Variants in LOXL3 observed in about 807,000 individuals in gnomAD.
LOXL3 encodes the protein lysyl oxidase homolog 3.
A neutral mutation model predicts 91.8 loss-of-function variants in LOXL3; 60 were observed. The observed-to-expected ratio is 0.65, with a 90% CI of 0.53 to 0.81. The LOEUF (loss-of-function observed/expected upper bound fraction) is 0.81, where lower values mean the gene tolerates loss of function less well. Among genes scored for constraint, LOXL3 ranks in the 30% least tolerant of loss-of-function variants. LOXL3 has a pLI of 0.00. For synonymous variants in LOXL3, 355 were observed against 387.6 expected, an observed-to-expected ratio of 0.92 and a Z score of 0.99; for missense variants, 874 against 1,000.4, an observed-to-expected ratio of 0.87 and a Z score of 1.70.
chr2:74,540,981 G>A (rs746764550), intron 4 of LOXL3, among the ~76,000 whole-genome samples: 8 of 152,102 alleles, frequency 5.3e-5, no homozygotes, highest in Non-Finnish European at 1.0e-4. Flanking sequence ...TCCTTTCTTT[G>A]AACATGTTCC....
At chr2:74,543,437 C>T (rs1289125606) in intron 4 of LOXL3, among the ~76,000 whole-genome samples, 3 of 152,112 alleles carry the variant, frequency 2.0e-5, no homozygotes. Flanking sequence ...ATAATTATCT[C>T]AGTAAAATCC....
At chr2:74,534,290 G>A (rs1177598667) in intron 11 of LOXL3, 26 bp downstream of exon 11, 5 of 1,614,020 alleles carry the variant, frequency 3.1e-6, no homozygotes, top group Non-Finnish European at 4.2e-6. Context: ...TGGATACCAT[G>A]TGGTTCACTT....
intron 4 of LOXL3, among the ~76,000 whole-genome samples, chr2:74,538,588 C>G (rs563254249): frequency 1.3e-5 from 2 of 152,166 alleles, no homozygotes; most frequent in Non-Finnish European, 2.9e-5. Flanking sequence ...AATTAGGGAA[C>G]TGGGAGCCTA....
Position 74,537,066 on chromosome 2 carries a change from A to T in LOXL3, c.693-138T>A, listed in dbSNP as rs1027382264. 1.3e-5 allele frequency: 9 copies of T among 714,742 alleles called. No individual in the cohort carries two copies. In the African/African-American group the frequency reaches 1.6e-4, roughly 13 times the overall value. 44.3% of individuals were successfully genotyped at this position (714,742 alleles called of 1,614,324 possible). On this transcript the variant is annotated intron_variant, in intron 4 of 13. Transcript: ENST00000264094. ...TTTATCTCCTCTTCTTCCCCCTTCC[A>T]TGTTTCCCTCGGGAGATACATGGGG...
intron 4 of LOXL3, among the ~76,000 whole-genome samples, chr2:74,537,764 G>A (rs1022508483): frequency 2.6e-5 from 4 of 152,190 alleles, no homozygotes; most frequent in African/African-American, 9.7e-5. Flanking sequence ...AAATGCTGCC[G>A]AGATGTTTGA....
Position 74,537,017 on chromosome 2 carries a change from A to G in LOXL3, c.693-89T>C. On this transcript the variant is annotated intron_variant, in intron 4 of 13. Coordinates refer to ENST00000264094, the MANE Select transcript of LOXL3 (RefSeq NM_032603.5). ...CATCCTCCCACTTCATGCCTCCACCATGCCCCCCACCCTTTTGTGACCATT... is the reference window on the plus strand; with the variant it reads ...CATCCTCCCACTTCATGCCTCCACCGTGCCCCCCACCCTTTTGTGACCATT... 5.1e-6 allele frequency: 5 copies of G among 984,006 alleles called. No homozygotes were observed. In the South Asian group the frequency reaches 7.5e-5, roughly 15 times the overall value. The allele number at this position is 984,006 out of a possible 1,614,324, so 61.0% of individuals were successfully genotyped here.
At position 74,534,425 on chromosome 2, in the gene LOXL3, G is replaced by C. The variant is rs1255641757; in HGVS notation, c.1830C>G (p.Tyr610Ter). 1 of 1,614,200 alleles carries C rather than the reference G, an allele frequency of 6.2e-7. No homozygotes were observed. Among genetic ancestry groups the C allele is most frequent in the South Asian group, 1.1e-5 (1 of 91,084 alleles). Reference sequence around the variant, plus strand: ...AGTGAGTGAAGATGTCCATGCTGTGGTAATGCCTGTGGGGAGAAGGGAACT... The same window carrying C: ...AGTGAGTGAAGATGTCCATGCTGTGCTAATGCCTGTGGGGAGAAGGGAACT... ...SWVWHECHGH[Y>*]HSMDIFTHYD... Residue 610 changes from tyrosine to a stop codon, truncating the protein, a stop_gained, in exon 11 of 14, where the codon TAC (tyrosine) becomes TAG (stop). Transcript: ENST00000264094. LOFTEE classifies it high-confidence loss of function.
At chr2:74,534,488 C>T (rs774490993) in intron 10 of LOXL3, 43 bp downstream of exon 10, 27 of 1,613,218 alleles carry the variant, frequency 1.7e-5, no homozygotes, top group Non-Finnish European at 2.3e-5. Context: ...TTTGCCCCAT[C>T]CCCCGTGGTC....
upstream of LOXL3, chr2:74,554,474 G>C (rs1412619227): frequency 1.9e-6 from 1 of 514,756 alleles, no homozygotes; most frequent in Admixed American, 3.5e-5. The surrounding 1 kb of genome is among the most constrained non-coding windows in gnomAD (Gnocchi z 4.9). Context: ...CAGCCACCAC[G>C]CCCAGAGGCC....
upstream of LOXL3, chr2:74,555,251 G>A (rs765279662): frequency 6.2e-7 from 1 of 1,613,940 alleles, no homozygotes; most frequent in South Asian, 1.1e-5. The surrounding 1 kb of genome is among the most constrained non-coding windows in gnomAD (Gnocchi z 6.1). Flanking sequence ...TCTGGGGGTG[G>A]CCGAGGGAGC....
chr2:74,535,896 G>A lies in LOXL3; in HGVS notation c.1248+100C>T. On this transcript the variant is annotated intron_variant, in intron 7 of 13. Transcript: ENST00000264094. The surrounding 1 kb of genome is among the most constrained non-coding windows in gnomAD (Gnocchi z 4.2). ...TCAGGTGGGAGCTGCAGGAGGGCAG[G>A]GGCCTGGGGCAATGGGCTGGGGGCC... is the stretch of plus-strand genomic sequence containing the variant. 1 of 1,484,166 alleles carries A rather than the reference G, an allele frequency of 6.7e-7. No individual in the cohort carries two copies. The allele number at this position is 1,484,166 out of a possible 1,614,324, so 91.9% of individuals were successfully genotyped here. A position where few individuals can be genotyped will look rare whatever the true frequency, so the allele number is the denominator to read the frequency against.
chr2:74,536,940 GGAGT>G lies in LOXL3; in HGVS notation c.693-16_693-13del. ...GTTGGGCTAGCAGCCTAGGGGGACA[GGAGT>G]GAGGTGCAGTAGGGTAAAACAATGC... On this transcript the variant is annotated splice_polypyrimidine_tract_variant and intron_variant, in intron 4 of 13. Transcript: ENST00000264094. This position sits in a 1 kb window ranked among gnomAD's most constrained non-coding sequence, Gnocchi z 4.5. 1 of 1,611,670 alleles carries G rather than the reference GGAGT, an allele frequency of 6.2e-7. No homozygotes were observed.
upstream of LOXL3, chr2:74,555,314 C>A: frequency 6.2e-7 from 1 of 1,614,026 alleles, no homozygotes; most frequent in Non-Finnish European, 8.5e-7. This position sits in a 1 kb window ranked among gnomAD's most constrained non-coding sequence, Gnocchi z 6.1. Context: ...GTGAGTGTGG[C>A]CCCCGTCACC....
intron 4 of LOXL3, among the ~76,000 whole-genome samples, chr2:74,546,577 G>C (rs549480886): frequency 6.6e-6 from 1 of 152,104 alleles, no homozygotes. Context: ...TTTCATTTTT[G>C]ATCCCTCTTC....
rs571573656 is a variant in LOXL3, at chr2:74,549,282, C to G, written c.692+87G>C. ...CCCGACCCCCGGGTCCTCCCGTGCC[C>G]CGGACCTGCTCAGATGTCTCCCAAG... On this transcript the variant is annotated intron_variant, in intron 4 of 13. Transcript: ENST00000264094. The surrounding 1 kb of genome is among the most constrained non-coding windows in gnomAD (Gnocchi z 5.3). 1 of 1,410,310 alleles carries G rather than the reference C, an allele frequency of 7.1e-7. No individual in the cohort carries two copies. Among genetic ancestry groups the G allele is most frequent in the East Asian group, 2.6e-5 (1 of 38,744 alleles). 87.4% of individuals were successfully genotyped at this position (1,410,310 alleles called of 1,614,324 possible). A position where few individuals can be genotyped will look rare whatever the true frequency, so the allele number is the denominator to read the frequency against.
upstream of LOXL3, chr2:74,554,807 G>T (rs777159494): frequency 6.2e-7 from 1 of 1,613,978 alleles, no homozygotes; most frequent in Non-Finnish European, 8.5e-7. This position sits in a 1 kb window ranked among gnomAD's most constrained non-coding sequence, Gnocchi z 4.9. Flanking sequence ...CAGCGCTTTG[G>T]GACCAAGGTA....
intron 4 of LOXL3, among the ~76,000 whole-genome samples, chr2:74,546,900 G>C (rs1431372929): frequency 6.6e-6 from 1 of 151,976 alleles, no homozygotes; most frequent in Non-Finnish European, 1.5e-5. Flanking sequence ...ATTTTTAGTA[G>C]AGATGGGGTT....
At chr2:74,550,418 G>A in intron 2 of LOXL3, 70 bp from the exon 3 acceptor site, 1 of 1,528,056 alleles carries the variant, frequency 6.5e-7, no homozygotes, top group East Asian at 2.3e-5. Flanking sequence ...GGGATGTAGG[G>A]AAGAGTGAGT....
intron 4 of LOXL3, among the ~76,000 whole-genome samples, chr2:74,541,769 TTATA>T (rs141836919): frequency 6.6e-6 from 1 of 150,408 alleles, no homozygotes; most frequent in Non-Finnish European, 1.5e-5. Context: ...TTTGTATTAT[TTATA>T]TATATATATA....
Sources: gnomAD v4.1 joint callset for allele counts (sites outside exome capture counted in the v4.1 genomes callset) on GRCh38, gnomAD v4.1.1 for gene constraint, Gnocchi (gnomAD v3.1) non-coding constraint, MANE v1.5 for transcripts, NCBI Gene and HGNC (gene_info 2026-07-23, HGNC 2026-07-21) for gene names.